The following KAZN variants were observed in gnomAD, a reference collection of about 807,000 sequenced individuals.
KAZN encodes kazrin, periplakin interacting protein.
A neutral mutation model predicts 87.4 loss-of-function variants in KAZN; 40 were observed. That is an observed-to-expected ratio of 0.46 (90% CI 0.36 to 0.60). The LOEUF (loss-of-function observed/expected upper bound fraction) is 0.60, where lower values mean the gene tolerates loss of function less well. Ranked by LOEUF, KAZN falls within the 20% of genes least tolerant of loss-of-function variation. The pLI, the probability that KAZN is intolerant of heterozygous loss-of-function variation, is 0.00. For synonymous variants in KAZN, 466 were observed against 458.3 expected, an observed-to-expected ratio of 1.02 and a Z score of -0.22; for missense variants, 898 against 1,073.9, an observed-to-expected ratio of 0.84 and a Z score of 2.29.
intron 2 of KAZN, among the ~76,000 whole-genome samples, chr1:14,327,266 T>C (rs957380813): frequency 6.6e-6 from 1 of 152,184 alleles, no homozygotes; most frequent in African/African-American, 2.4e-5. Flanking sequence ...ATGTGTTCTC[T>C]CCAATAGTGG....
intron 2 of KAZN, among the ~76,000 whole-genome samples, chr1:14,329,856 C>T (rs946570316): frequency 1.3e-5 from 2 of 152,178 alleles, no homozygotes; most frequent in Admixed American, 1.3e-4. Flanking sequence ...GTTGGTCCCC[C>T]TACCTGTTTT....
At chr1:14,700,055 A>G (rs1641836618) in intron 1 of KAZN, among the ~76,000 whole-genome samples, 1 of 152,220 alleles carries the variant, frequency 6.6e-6, no homozygotes, top group South Asian at 2.1e-4. Context: ...CTCCATCACA[A>G]GCAAGGGGCA....
intron 2 of KAZN, among the ~76,000 whole-genome samples, chr1:14,535,622 C>T (rs1017829841): frequency 1.3e-5 from 2 of 151,584 alleles, no homozygotes; most frequent in South Asian, 2.1e-4. Context: ...GCCAAGATCA[C>T]ACCACTGCAC....
At position 14,200,594 on chromosome 1, in the gene KAZN, C is replaced by T. The variant is rs376222300; in HGVS notation, c.249+20002C>T. Among the ~76,000 whole-genome samples the T allele has an allele frequency of 5.6e-4, 85 of 152,232 alleles. 1 individual carries two copies. The South Asian group carries it at 0.017, about 30-fold the overall frequency. ...TATGTTATTTGTAATATATTGGTAA[C>T]ATATAGGCAAACACAGAAAGCCTAC... is the stretch of plus-strand genomic sequence containing the variant. On this transcript the variant is annotated intron_variant, in intron 2 of 16. Coordinates refer to the KAZN transcript ENST00000636203.
chr1:15,082,464 G>T (rs552022704), intron 8 of KAZN, among the ~76,000 whole-genome samples: 1 of 152,084 alleles, frequency 6.6e-6, no homozygotes, highest in Non-Finnish European at 1.5e-5. Context: ...CCACAGGCTG[G>T]GTATAGACTC....
intron 2 of KAZN, among the ~76,000 whole-genome samples, chr1:14,972,394 A>C (rs957826170): frequency 3.3e-5 from 5 of 152,230 alleles, no homozygotes; most frequent in African/African-American, 1.2e-4. Flanking sequence ...AGCTTGGCTC[A>C]GTTGAGCACA....
chr1:14,048,924 C>T (rs796935381), intron 1 of KAZN, among the ~76,000 whole-genome samples: 89 of 152,310 alleles, frequency 5.8e-4, no homozygotes, highest in African/African-American at 2.1e-3. Context: ...ACATCCTCTC[C>T]AGCACCTGTT....
intron 1 of KAZN, among the ~76,000 whole-genome samples, chr1:14,154,856 G>A (rs1024994679): frequency 6.6e-6 from 1 of 152,100 alleles, no homozygotes; most frequent in Non-Finnish European, 1.5e-5. Context: ...ACTTGGTCAG[G>A]ATGAATGATC....
intron 1 of KAZN, among the ~76,000 whole-genome samples, chr1:14,647,112 C>A (rs757139574): frequency 6.6e-6 from 1 of 152,182 alleles, no homozygotes; most frequent in Non-Finnish European, 1.5e-5. Flanking sequence ...CTGGGTATTT[C>A]CCTTGGCTCA....
exon 1 of KAZN, chr1:13,892,982 C>G (rs1439754592): frequency 6.6e-6 from 1 of 152,014 alleles, no homozygotes; most frequent in African/African-American, 2.4e-5. Context: ...GCCGGAGACG[C>G]CTGCGGGTCC....
intron 2 of KAZN, among the ~76,000 whole-genome samples, chr1:14,204,540 CAA>C (rs1646700506): frequency 2.0e-5 from 3 of 152,104 alleles, no homozygotes; most frequent in African/African-American, 7.2e-5. Flanking sequence ...CAAGGAGAAA[CAA>C]ATTTGTTTTA....
At chr1:14,749,200 C>A in intron 1 of KAZN, among the ~76,000 whole-genome samples, 1 of 152,156 alleles carries the variant, frequency 6.6e-6, no homozygotes, top group Admixed American at 6.5e-5. Flanking sequence ...GTTTCAGCCT[C>A]AGACTCCTTC....
intron 2 of KAZN, among the ~76,000 whole-genome samples, chr1:14,385,649 C>G (rs190567170): frequency 0.33 from 50,495 of 151,826 alleles, 9,226 homozygotes; most frequent in East Asian, 0.72. Context: ...ATCCTGAGTT[C>G]TGGTTTGATT....
intron 2 of KAZN, among the ~76,000 whole-genome samples, chr1:14,424,619 C>G (rs1665612203): frequency 6.6e-6 from 1 of 152,162 alleles, no homozygotes; most frequent in Non-Finnish European, 1.5e-5. Flanking sequence ...CACCATCGTC[C>G]TAAAAGCTAG....
chr1:14,824,946 T>A (rs1229826108), intron 1 of KAZN, among the ~76,000 whole-genome samples: 1 of 152,252 alleles, frequency 6.6e-6, no homozygotes, highest in East Asian at 1.9e-4. Flanking sequence ...GCAGAGGCAC[T>A]GAGGTAGGTG....
intron 2 of KAZN, among the ~76,000 whole-genome samples, chr1:14,998,770 A>G (rs977224018): frequency 6.6e-6 from 1 of 152,076 alleles, no homozygotes; most frequent in African/African-American, 2.4e-5. Context: ...GCTGGTCTCG[A>G]ACTCCTGACC....
intron 2 of KAZN, among the ~76,000 whole-genome samples, chr1:14,586,453 G>T (rs1488351390): frequency 6.6e-6 from 1 of 150,602 alleles, no homozygotes; most frequent in African/African-American, 2.4e-5. Flanking sequence ...AAGTTAAATT[G>T]TCTCTCTGGG....
At chr1:15,011,246 C>G (rs950077751) in intron 2 of KAZN, among the ~76,000 whole-genome samples, 14 of 152,200 alleles carry the variant, frequency 9.2e-5, no homozygotes, top group African/African-American at 3.4e-4. Flanking sequence ...AGCCCAGGTG[C>G]TGCACCCAAA....
Position 14,383,166 on chromosome 1 carries a change from G to T in KAZN, c.249+202574G>T, listed in dbSNP as rs1371568941. ...CCTTCATCCACTTTTTGATGGGGTT[G>T]TTTTTTTCCTGTAAATTTGTTTGAG... is the stretch of plus-strand genomic sequence containing the variant. On this transcript the variant is annotated intron_variant, in intron 2 of 16. Coordinates refer to the KAZN transcript ENST00000636203. 2.6e-5 allele frequency among the ~76,000 whole-genome samples: 4 copies of T among 151,982 alleles called. No homozygotes were observed. The East Asian group carries it at 5.8e-4, about 22-fold the overall frequency.
Sources: gnomAD v4.1 joint callset for allele counts (sites outside exome capture counted in the v4.1 genomes callset) on GRCh38, gnomAD v4.1.1 for gene constraint, MANE v1.5 for transcripts, NCBI Gene and HGNC (gene_info 2026-07-23, HGNC 2026-07-21) for gene names.